FLNB: variants seen among roughly 807,000 people sequenced by gnomAD.
FLNB encodes the protein filamin B.
A neutral mutation model predicts 250.6 loss-of-function variants in FLNB; 111 were observed. The observed-to-expected ratio is 0.44, with a 90% confidence interval of 0.38 to 0.52. The LOEUF (loss-of-function observed/expected upper bound fraction) is 0.52. Among genes scored for constraint, FLNB ranks in the 20% least tolerant of loss-of-function variants. FLNB has a pLI of 0.00. For missense variants in FLNB, 2,869 were observed against 3,447.8 expected (o/e 0.83, Z 4.20); for synonymous variants, 1,302 against 1,372.1 (o/e 0.95, Z 1.13).
Position 58,126,108 on chromosome 3 carries a change from G to A in FLNB, c.4061+365G>A, listed in dbSNP as rs188238128. 1.4e-3 allele frequency among the ~76,000 whole-genome samples: 218 copies of A among 152,192 alleles called. 1 individual carries two copies. The highest frequency in any genetic ancestry group is 2.6e-3 in the Non-Finnish European group (180 of 68,030). On this transcript the variant is annotated intron_variant, in intron 23 of 45. Coordinates refer to ENST00000295956, the MANE Select transcript of FLNB (RefSeq NM_001457.4). ...ATAAGAAAAATAGGCTGGGTGTGGC[G>A]GCTCACACCTGTAATCTCAGCACTT...
At chr3:58,108,382 C>T in intron 12 of FLNB, 76 bp from the exon 13 acceptor site, 1 of 930,588 alleles carries the variant, frequency 1.1e-6, no homozygotes, top group East Asian at 2.5e-5. Flanking sequence ...CCCCCACCCC[C>T]TGGTTACCTG....
intron 1 of FLNB, among the ~76,000 whole-genome samples, chr3:58,028,370 T>A (rs2097126268): frequency 6.6e-6 from 1 of 151,990 alleles, no homozygotes; most frequent in African/African-American, 2.4e-5. Flanking sequence ...GGTCTACAAA[T>A]AAGAGTTGTT....
intron 1 of FLNB, among the ~76,000 whole-genome samples, chr3:58,031,963 C>G (rs1349248839): frequency 1.3e-5 from 2 of 151,904 alleles, no homozygotes; most frequent in African/African-American, 4.8e-5. Flanking sequence ...GGGTCTTGCT[C>G]TTTCTCCCAG....
intron 1 of FLNB, among the ~76,000 whole-genome samples, chr3:58,030,589 A>G (rs1470942102): frequency 6.6e-6 from 1 of 152,002 alleles, no homozygotes; most frequent in East Asian, 1.9e-4. Flanking sequence ...GGAATCTAGG[A>G]GGGGCCGGGC....
At chr3:58,162,971 G>T in intron 42 of FLNB, 183 bp from the exon 43 acceptor site, 2 of 660,808 alleles carry the variant, frequency 3.0e-6, no homozygotes, top group South Asian at 3.3e-5. Context: ...TTCCCTTGGG[G>T]CTGATGAGGG....
At chr3:58,099,644 C>A (rs2097246023) in intron 8 of FLNB, among the ~76,000 whole-genome samples, 1 of 152,168 alleles carries the variant, frequency 6.6e-6, no homozygotes, top group Admixed American at 6.5e-5. Context: ...GCAGACGTGG[C>A]TTCCTCTTCC....
intron 1 of FLNB, among the ~76,000 whole-genome samples, chr3:58,041,307 A>C (rs2097145682): frequency 6.6e-6 from 1 of 152,194 alleles, no homozygotes; most frequent in Non-Finnish European, 1.5e-5. Context: ...CATTTATGAG[A>C]GAAGCAGCCA....
intron 19 of FLNB, 44 bp downstream of exon 19, chr3:58,119,033 C>A: frequency 7.4e-7 from 1 of 1,347,768 alleles, no homozygotes. Flanking sequence ...GATGACCCCC[C>A]AACGTGGCTG....
intron 1 of FLNB, among the ~76,000 whole-genome samples, chr3:58,039,141 TG>T (rs1377314659): frequency 6.7e-6 from 1 of 149,896 alleles, no homozygotes; most frequent in Non-Finnish European, 1.5e-5. Context: ...AATGAACCAT[TG>T]TGCCAGGAGT....
intron 12 of FLNB, 150 bp downstream of exon 12, chr3:58,107,023 G>A: frequency 1.4e-6 from 1 of 694,530 alleles, no homozygotes; most frequent in Admixed American, 2.0e-5. Context: ...TTGTTTGTTT[G>A]TTTGTTTGTT....
intron 1 of FLNB, among the ~76,000 whole-genome samples, chr3:58,030,647 A>G (rs766773924): frequency 6.6e-6 from 1 of 152,130 alleles, no homozygotes; most frequent in Non-Finnish European, 1.5e-5. Flanking sequence ...GCCAAGGTGG[A>G]CAGATCACTT....
chr3:58,031,766 A>T (rs1200643616), intron 1 of FLNB, among the ~76,000 whole-genome samples: 1 of 150,842 alleles, frequency 6.6e-6, no homozygotes, highest in East Asian at 2.0e-4. Flanking sequence ...CTGGTCTCGA[A>T]CCCCTGGGTT....
intron 20 of FLNB, 126 bp downstream of exon 20, chr3:58,121,629 A>G: frequency 8.1e-7 from 1 of 1,240,486 alleles, no homozygotes; most frequent in Admixed American, 1.8e-5. Flanking sequence ...AGCACAATTC[A>G]CTGTGAAAGG....
intron 8 of FLNB, among the ~76,000 whole-genome samples, chr3:58,100,364 T>TAA (rs1553696183): frequency 3.9e-5 from 1 of 25,524 alleles, no homozygotes; most frequent in Non-Finnish European, 6.2e-5. Flanking sequence ...TTTACATATG[T>TAA]AAAAAAAAAA....
At chr3:58,060,236 G>A (rs778983848) in intron 1 of FLNB, among the ~76,000 whole-genome samples, 2 of 152,158 alleles carry the variant, frequency 1.3e-5, no homozygotes, top group Non-Finnish European at 2.9e-5. Context: ...CATGCCCAAG[G>A]CTGGGTGTGG....
chr3:58,107,664 A>C (rs2097261844), intron 12 of FLNB, among the ~76,000 whole-genome samples: 1 of 152,052 alleles, frequency 6.6e-6, no homozygotes, highest in Non-Finnish European at 1.5e-5. Flanking sequence ...CTTAAGTTGG[A>C]GCAATGTTTC....
At chr3:58,124,297 C>G (rs929534375) in intron 21 of FLNB, 35 bp from the exon 22 acceptor site, 1 of 1,613,144 alleles carries the variant, frequency 6.2e-7, no homozygotes. Flanking sequence ...GTCTGGGGTA[C>G]TGGTGGCAGT....
chr3:58,170,616 C>G lies in FLNB; in HGVS notation c.7663C>G (p.Pro2555Ala). The change falls in exon 46 of 46, where the codon CCC (proline) becomes GCC (alanine). Residue 2555 changes from proline to alanine, a missense_variant. Around this residue, in one of 5 missense-constraint regions of FLNB, gnomAD observed 1,084 missense variants for 1,315.5 expected, o/e 0.82. Coordinates refer to ENST00000295956, the MANE Select transcript of FLNB (RefSeq NM_001457.4). Reference sequence around the variant, plus strand: ...GATCGGGGTCCATGGGCCCACCACCCCCTGCGAGGAGGTCTCCATGAAGCA... The same window carrying G: ...GATCGGGGTCCATGGGCCCACCACCGCCTGCGAGGAGGTCTCCATGAAGCA... Reference protein sequence around the residue: ...LLIGVHGPTTPCEEVSMKHVG... With the variant: ...LLIGVHGPTTACEEVSMKHVG... The G allele has an allele frequency of 6.2e-7, 1 of 1,614,144 alleles. No individual in the cohort carries two copies. Among genetic ancestry groups the G allele is most frequent in the Non-Finnish European group, 8.5e-7 (1 of 1,180,026 alleles).
chr3:58,016,864 C>T (rs2097106500), intron 1 of FLNB, among the ~76,000 whole-genome samples: 1 of 152,130 alleles, frequency 6.6e-6, no homozygotes, highest in Non-Finnish European at 1.5e-5. Flanking sequence ...CTATTTCCTG[C>T]TTTTATAATG....
Sources: allele counts gnomAD v4.1 joint callset (sites outside exome capture counted in the v4.1 genomes callset), GRCh38; gene constraint gnomAD v4.1.1; regional missense constraint gnomAD v4.1.1; transcripts MANE v1.5; gene names NCBI Gene and HGNC (gene_info 2026-07-23, HGNC 2026-07-21).